Variants in MAP2K5 observed in about 807,000 individuals in gnomAD.
The protein encoded by MAP2K5 is dual specificity mitogen-activated protein kinase kinase 5.
Under a neutral mutation model 83.1 loss-of-function variants are expected in MAP2K5, and 49 were observed. The observed-to-expected ratio is 0.59, with a 90% CI of 0.47 to 0.75. The LOEUF is 0.75. Ranked by LOEUF, MAP2K5 falls within the 30% of genes least tolerant of loss-of-function variation. The pLI is 0.00. For synonymous variants in MAP2K5, 202 were observed against 191.8 expected, an observed-to-expected ratio of 1.05 and a Z score of -0.44; for missense variants, 457 against 557.5, an observed-to-expected ratio of 0.82 and a Z score of 1.82.
intron 17 of MAP2K5, among the ~76,000 whole-genome samples, chr15:67,742,831 G>A (rs2089524442): frequency 1.3e-5 from 2 of 152,238 alleles, no homozygotes; most frequent in African/African-American, 4.8e-5. Flanking sequence ...CCTATGTGGT[G>A]TGGGACATGA....
chr15:67,660,364 G>A (rs1307773518), intron 12 of MAP2K5, among the ~76,000 whole-genome samples: 1 of 151,994 alleles, frequency 6.6e-6, no homozygotes, highest in Non-Finnish European at 1.5e-5. Context: ...ATTGGCCCAT[G>A]GCTAATACCT....
chr15:67,675,724 T>C (rs1400232248), intron 13 of MAP2K5, among the ~76,000 whole-genome samples: 1 of 152,196 alleles, frequency 6.6e-6, no homozygotes, highest in East Asian at 1.9e-4. Flanking sequence ...TATATCATCT[T>C]TCTGTAGTTA....
chr15:67,734,847 G>A (rs1312898450), intron 17 of MAP2K5, among the ~76,000 whole-genome samples: 1 of 152,104 alleles, frequency 6.6e-6, no homozygotes, highest in Non-Finnish European at 1.5e-5. Flanking sequence ...GGAAAAAATA[G>A]CAATGAGTAA....
chr15:67,721,032 G>A (rs2088947393), intron 16 of MAP2K5, among the ~76,000 whole-genome samples: 1 of 152,160 alleles, frequency 6.6e-6, no homozygotes, highest in Non-Finnish European at 1.5e-5. Context: ...TTAGGATATT[G>A]TACTTGTGAA....
At chr15:67,772,045 T>C (rs961302130) in intron 20 of MAP2K5, among the ~76,000 whole-genome samples, 10 of 152,224 alleles carry the variant, frequency 6.6e-5, no homozygotes, top group African/African-American at 2.2e-4. Flanking sequence ...AGACAAGAAA[T>C]ATTTTGCATG....
chr15:67,729,591 A>G (rs1178197103), intron 17 of MAP2K5, among the ~76,000 whole-genome samples: 1 of 151,992 alleles, frequency 6.6e-6, no homozygotes, highest in Non-Finnish European at 1.5e-5. Flanking sequence ...TAACATGGTG[A>G]AACCCCGTCT....
chr15:67,585,844 TAA>T (rs749224012), intron 4 of MAP2K5, 44 bp from the exon 5 acceptor site: 10 of 1,559,982 alleles, frequency 6.4e-6, no homozygotes, highest in Non-Finnish European at 8.8e-6. Context: ...AGCAAATTTG[TAA>T]ATGGCCCTGA....
chr15:67,569,005 C>CAAAAAAAAAAAAAAAAAAA (rs71142380), intron 3 of MAP2K5, among the ~76,000 whole-genome samples: 1 of 91,208 alleles, frequency 1.1e-5, no homozygotes, highest in Non-Finnish European at 2.2e-5. Flanking sequence ...GACTCCATCT[C>CAAAAAAAAAAAAAAAAAAA]AAAAAAAAAA....
intron 21 of MAP2K5, among the ~76,000 whole-genome samples, chr15:67,796,333 G>A (rs1044531320): frequency 5.3e-5 from 8 of 152,194 alleles, no homozygotes; most frequent in African/African-American, 1.9e-4. Flanking sequence ...AAGTGATTTA[G>A]TTGGCTCACA....
intron 12 of MAP2K5, chr15:67,659,124 T>C (rs1475968599): frequency 4.2e-6 from 1 of 237,644 alleles, no homozygotes; most frequent in Non-Finnish European, 8.3e-6. Flanking sequence ...AAAGCAGTTT[T>C]CCCATATTCT....
intron 11 of MAP2K5, among the ~76,000 whole-genome samples, chr15:67,648,741 T>C (rs1461914074): frequency 6.6e-6 from 1 of 152,050 alleles, no homozygotes; most frequent in East Asian, 1.9e-4. Context: ...CGTGCCACCA[T>C]GCCCAGCTAA....
intron 13 of MAP2K5, among the ~76,000 whole-genome samples, chr15:67,675,596 G>A (rs906876516): frequency 6.6e-6 from 1 of 152,138 alleles, no homozygotes; most frequent in South Asian, 2.1e-4. Flanking sequence ...ACTGGGTGGA[G>A]TGTACACAGG....
chr15:67,567,878 T>C (rs922201280), intron 3 of MAP2K5, among the ~76,000 whole-genome samples: 17 of 152,318 alleles, frequency 1.1e-4, no homozygotes, highest in African/African-American at 4.1e-4. Flanking sequence ...TTTGTGTTTG[T>C]TGTCTGGTAG....
intron 13 of MAP2K5, among the ~76,000 whole-genome samples, chr15:67,675,715 A>G (rs2087662875): frequency 1.3e-5 from 2 of 152,192 alleles, no homozygotes; most frequent in African/African-American, 4.8e-5. Flanking sequence ...AAAAAAGAAT[A>G]TATCATCTTT....
At chr15:67,588,689 C>G (rs967783609) in intron 6 of MAP2K5, among the ~76,000 whole-genome samples, 1 of 152,232 alleles carries the variant, frequency 6.6e-6, no homozygotes. Flanking sequence ...CCAGCTCTTT[C>G]ATCTTTTCTG....
At position 67,572,339 on chromosome 15, in the gene MAP2K5, G is replaced by A. The variant is rs971239399; in HGVS notation, c.253-8415G>A. 4.6e-5 allele frequency among the ~76,000 whole-genome samples: 7 copies of A among 152,126 alleles called. No individual in the cohort carries two copies. The highest frequency in any genetic ancestry group is 2.4e-5 in the African/African-American group (1 of 41,430). On this transcript the variant is annotated intron_variant, in intron 3 of 21. Transcript: ENST00000178640. This position sits in a 1 kb window ranked among gnomAD's most constrained non-coding sequence, Gnocchi z 4.2. ...AAGTGACATGATCATATCTCATATTGTCAGAGGCATTTGAGCCATAGCAAC... is the reference window on the plus strand; with the variant it reads ...AAGTGACATGATCATATCTCATATTATCAGAGGCATTTGAGCCATAGCAAC...
chr15:67,673,752 G>C (rs2141171418), intron 13 of MAP2K5, among the ~76,000 whole-genome samples: 1 of 149,474 alleles, frequency 6.7e-6, no homozygotes, highest in Middle Eastern at 3.5e-3. Context: ...CTGTTTTTTT[G>C]CAGAGATCTA....
At chr15:67,682,472 C>T (rs1014902939) in intron 13 of MAP2K5, among the ~76,000 whole-genome samples, 2 of 151,770 alleles carry the variant, frequency 1.3e-5, no homozygotes, top group African/African-American at 4.8e-5. Flanking sequence ...TTTCACCCGC[C>T]TTGGCCTCCC....
intron 19 of MAP2K5, among the ~76,000 whole-genome samples, chr15:67,752,711 G>A (rs562149957): frequency 6.6e-6 from 1 of 151,638 alleles, no homozygotes; most frequent in South Asian, 2.1e-4. Context: ...GAAAGAAATG[G>A]AAAGACATTT....
Sources: allele counts gnomAD v4.1 joint callset (sites outside exome capture counted in the v4.1 genomes callset), GRCh38; gene constraint gnomAD v4.1.1; non-coding constraint Gnocchi (gnomAD v3.1); transcripts MANE v1.5; gene names NCBI Gene and HGNC (gene_info 2026-07-23, HGNC 2026-07-21).